The following ZFYVE28 variants were observed in gnomAD, a reference collection of about 807,000 sequenced individuals.
The protein encoded by ZFYVE28 is zinc finger FYVE-type containing 28.
Under a neutral mutation model 82.1 loss-of-function variants are expected in ZFYVE28, and 40 were observed. The ratio of observed to expected loss-of-function variants is 0.49; its 90% CI spans 0.38 to 0.63. The LOEUF (loss-of-function observed/expected upper bound fraction) is 0.63, where lower values mean the gene tolerates loss of function less well. Among genes scored for constraint, ZFYVE28 ranks in the 30% least tolerant of loss-of-function variants. The probability of loss-of-function intolerance (pLI) is 0.00; values close to 1 mark genes in which losing one functional copy is unlikely to be tolerated. For synonymous variants in ZFYVE28, 612 were observed against 546.1 expected (o/e 1.12, Z -1.68); for missense variants, 1,321 against 1,242.1 (o/e 1.06, Z -0.96).
intron 2 of ZFYVE28, among the ~76,000 whole-genome samples, chr4:2,350,632 G>A (rs1199847823): frequency 6.6e-6 from 1 of 152,172 alleles, no homozygotes; most frequent in East Asian, 1.9e-4. Context: ...GCTGGTCCCT[G>A]GGAAGATCAA....
At chr4:2,388,495 G>C (rs1410961279) in intron 1 of ZFYVE28, among the ~76,000 whole-genome samples, 1 of 152,018 alleles carries the variant, frequency 6.6e-6, no homozygotes, top group East Asian at 1.9e-4. Flanking sequence ...GAAGTACCAG[G>C]GCCTTTCTAG....
intron 6 of ZFYVE28, among the ~76,000 whole-genome samples, chr4:2,334,542 G>A (rs1391089036): frequency 2.6e-5 from 4 of 151,462 alleles, no homozygotes; most frequent in South Asian, 2.1e-4. Flanking sequence ...CCTGTGCCCC[G>A]GGGTCCCCTG....
At chr4:2,301,643 G>T (rs1361921884) in intron 8 of ZFYVE28, among the ~76,000 whole-genome samples, 1 of 93,476 alleles carries the variant, frequency 1.1e-5, no homozygotes, top group Non-Finnish European at 2.1e-5. Flanking sequence ...GGCGTCCACT[G>T]GCTGTCACCT....
At chr4:2,361,273 C>T (rs1449918720) in intron 1 of ZFYVE28, among the ~76,000 whole-genome samples, 1 of 46,358 alleles carries the variant, frequency 2.2e-5, no homozygotes, top group Admixed American at 3.0e-4. Flanking sequence ...AAGCAGCTCT[C>T]GGTTCAAAAA....
rs375459618 is a variant in ZFYVE28 at position 2,353,667 on chromosome 4, C to G, written c.180+266G>C. 2.6e-5 allele frequency among the ~76,000 whole-genome samples: 4 copies of G among 152,234 alleles called. No homozygotes were observed. The South Asian group carries it at 8.3e-4, about 32-fold the overall frequency. ...CACTGGCTGCCCCTTGGCTCAGAAG[C>G]CTGCTCACTCCGCACCCCCTGCCCC... is the stretch of plus-strand genomic sequence containing the variant. On this transcript the variant is annotated intron_variant, in intron 2 of 12. Transcript: ENST00000290974.
intron 8 of ZFYVE28, among the ~76,000 whole-genome samples, chr4:2,291,648 G>A (rs921166435): frequency 1.3e-5 from 2 of 152,162 alleles, no homozygotes; most frequent in Non-Finnish European, 2.9e-5. Flanking sequence ...TCAGGAGAGC[G>A]GGAACTGAGA....
Position 2,341,362 on chromosome 4 carries a change from T to G in ZFYVE28, c.318+116A>C, listed in dbSNP as rs562547999. The G allele has an allele frequency of 4.0e-5, 56 of 1,407,596 alleles. No homozygotes were observed. Among genetic ancestry groups the G allele is most frequent in the Non-Finnish European group, 5.2e-5 (53 of 1,029,030 alleles). 87.2% of individuals were successfully genotyped at this position (1,407,596 alleles called of 1,614,324 possible). A position where few individuals can be genotyped will look rare whatever the true frequency, so the allele number is the denominator to read the frequency against. ...CCACGTAACCCAGAGTGGACGGAGCTCTTGGAGGAGACACCAGGTCCCGGC... is the reference window on the plus strand; with the variant it reads ...CCACGTAACCCAGAGTGGACGGAGCGCTTGGAGGAGACACCAGGTCCCGGC... On this transcript the variant is annotated intron_variant, in intron 3 of 12. Coordinates refer to ENST00000290974, the MANE Select transcript of ZFYVE28 (RefSeq NM_020972.3). The surrounding 1 kb of genome is among the most constrained non-coding windows in gnomAD (Gnocchi z 4.5).
Position 2,270,764 on chromosome 4 carries a change from G to A in ZFYVE28, c.2625C>T (p.Phe875=). 6.2e-7 allele frequency: 1 copy of A among 1,613,240 alleles called. No individual in the cohort carries two copies. ...PVRVCTHCYM[F]HVTPFYSDKA... is the part of the protein sequence containing the mutation. ...TGTCGCTGTAGAAGGGCGTGACATG[G>A]AACATGTAGCAGTGGGTGCACACTC... The change falls in exon 13 of 13, where the codon TTC becomes TTT. Residue 875 remains phenylalanine, a synonymous_variant. Transcript: ENST00000290974.
rs937129624 is a variant in ZFYVE28 at position 2,416,883 on chromosome 4, C to T, written c.39+1402G>A. 6.6e-6 allele frequency among the ~76,000 whole-genome samples: 1 copy of T among 152,188 alleles called. No individual in the cohort carries two copies. The highest frequency in any genetic ancestry group is 1.5e-5 in the Non-Finnish European group (1 of 68,032). On this transcript the variant is annotated intron_variant, in intron 1 of 12. Coordinates refer to ENST00000290974, the MANE Select transcript of ZFYVE28 (RefSeq NM_020972.3). This position sits in a 1 kb window ranked among gnomAD's most constrained non-coding sequence, Gnocchi z 4.6. ...GTAAGCCCTCAACCCAACACTCCGGCAACGACAAACAGAATTCCCCGACCT... is the reference window on the plus strand; with the variant it reads ...GTAAGCCCTCAACCCAACACTCCGGTAACGACAAACAGAATTCCCCGACCT...
At position 2,294,804 on chromosome 4, in the gene ZFYVE28, T is replaced by C. The variant is rs575298894; in HGVS notation, c.2051+9485A>G. Among the ~76,000 whole-genome samples, 7 of 152,180 alleles carry C rather than the reference T, an allele frequency of 4.6e-5. No homozygotes were observed. The East Asian group carries it at 9.7e-4, about 21-fold the overall frequency. On this transcript the variant is annotated intron_variant, in intron 8 of 12. Transcript: ENST00000290974. ...AACAGACGCTTCACCAAACAACCAA[T>C]GACAAATAGCACATGAAGCGACGCT...
intron 1 of ZFYVE28, among the ~76,000 whole-genome samples, chr4:2,355,079 C>A (rs550848724): frequency 6.6e-6 from 1 of 150,994 alleles, no homozygotes; most frequent in Non-Finnish European, 1.5e-5. Flanking sequence ...GCACACAGCA[C>A]GGCCACCGTC....
rs1037764104 is a variant in ZFYVE28, at chr4:2,335,370, C to A, written c.701+335G>T. On this transcript the variant is annotated intron_variant, in intron 6 of 12. Transcript: ENST00000290974. The surrounding 1 kb of genome is among the most constrained non-coding windows in gnomAD (Gnocchi z 5.8). ...CCCTGCGTGGCCACTCTGTTCCGAG[C>A]ATGACCCCTGTGTGACCCTCATGGT... 6.6e-6 allele frequency among the ~76,000 whole-genome samples: 1 copy of A among 152,222 alleles called. No individual in the cohort carries two copies. The highest frequency in any genetic ancestry group is 1.5e-5 in the Non-Finnish European group (1 of 68,038).
At chr4:2,398,300 C>T (rs796941284) in intron 1 of ZFYVE28, among the ~76,000 whole-genome samples, 3 of 152,220 alleles carry the variant, frequency 2.0e-5, no homozygotes, top group African/African-American at 7.2e-5. Flanking sequence ...CTTGGGGGAG[C>T]GACCAGAACA....
At chr4:2,286,373 G>A (rs1712743463) in intron 8 of ZFYVE28, 2 of 152,348 alleles carry the variant, frequency 1.3e-5, no homozygotes, top group Non-Finnish European at 2.9e-5. Flanking sequence ...GGGGCATCAG[G>A]CGTGGACGGG....
In ZFYVE28 at chr4:2,271,768, G is replaced by A. The variant is rs1486648904; in HGVS notation, c.2335C>T (p.Leu779=). The A allele has an allele frequency of 6.2e-7, 1 of 1,613,536 alleles. No individual in the cohort carries two copies. Among genetic ancestry groups the A allele is most frequent in the South Asian group, 1.1e-5 (1 of 91,086 alleles). The part of the protein sequence containing the change: ...KEKLRKVTQT[L]RSAALEDCAL... ...CAGTCCTCCAAGGCCGCACTCCGCAGAGTCTGGGTGACTAGTGGAGAAGGG... is the reference window on the plus strand; with the variant it reads ...CAGTCCTCCAAGGCCGCACTCCGCAAAGTCTGGGTGACTAGTGGAGAAGGG... Residue 779 remains leucine (L), a synonymous_variant, in exon 11 of 13, where the codon CTG becomes TTG. Transcript: ENST00000290974.
Position 2,404,985 on chromosome 4 carries a change from C to T in ZFYVE28, c.39+13300G>A, listed in dbSNP as rs576411509. 7.9e-5 allele frequency among the ~76,000 whole-genome samples: 12 copies of T among 151,768 alleles called. No individual in the cohort carries two copies. The East Asian group carries it at 1.6e-3, about 20-fold the overall frequency. The stretch of plus-strand genomic sequence containing the variant: ...GGCTCAAGCAATCCGTCCCCCTTGG[C>T]CACCCAAAGTAGCTGGGATTATAGG... On this transcript the variant is annotated intron_variant, in intron 1 of 12. Coordinates refer to ENST00000290974, the MANE Select transcript of ZFYVE28 (RefSeq NM_020972.3).
rs755716669 is a variant in ZFYVE28, at chr4:2,304,654, A to G, written c.1686T>C (p.His562=). 10 of 1,612,560 alleles carry G rather than the reference A, an allele frequency of 6.2e-6. No homozygotes were observed. In the African/African-American group the frequency reaches 1.3e-4, roughly 22 times the overall value. Residue 562 remains histidine, a synonymous_variant, in exon 8 of 13, where the codon CAT becomes CAC. Coordinates refer to ENST00000290974, the MANE Select transcript of ZFYVE28 (RefSeq NM_020972.3). ...CGCAGCTCCCACAGCACACGCAGGA[A>G]TGCAGAAGGCAGTTGGTGGCCCCAG... ...LSTGATNCLL[H]SCVCCGSCGD... is the part of the protein sequence containing the mutation.
intron 1 of ZFYVE28, among the ~76,000 whole-genome samples, chr4:2,355,765 T>TG (rs1281104730): frequency 6.6e-6 from 1 of 152,144 alleles, no homozygotes; most frequent in Admixed American, 6.5e-5. Context: ...TTTCTAGAGA[T>TG]GGGGTCTCCC....
intron 7 of ZFYVE28, among the ~76,000 whole-genome samples, chr4:2,310,604 G>C (rs1717340565): frequency 6.6e-6 from 1 of 152,166 alleles, no homozygotes; most frequent in South Asian, 2.1e-4. Flanking sequence ...AGGAGTTTGA[G>C]ACCAGCTGGG....
Sources: allele counts gnomAD v4.1 joint callset (sites outside exome capture counted in the v4.1 genomes callset), GRCh38; gene constraint gnomAD v4.1.1; non-coding constraint Gnocchi (gnomAD v3.1); transcripts MANE v1.5; gene names NCBI Gene and HGNC (gene_info 2026-07-23, HGNC 2026-07-21).